SLC16A10: variants seen among roughly 807,000 people sequenced by gnomAD.
The protein encoded by SLC16A10 is solute carrier family 16 member 10, also known as monocarboxylate transporter 10.
SLC16A10 carries 27 observed loss-of-function variants against 40.0 expected under a neutral mutation model. The observed-to-expected ratio is 0.67, with a 90% confidence interval of 0.50 to 0.93. The LOEUF (loss-of-function observed/expected upper bound fraction) is 0.93. Ranked by LOEUF, SLC16A10 falls within the 40% of genes least tolerant of loss-of-function variation. SLC16A10 has a pLI of 0.00. For missense variants in SLC16A10, 529 were observed against 658.2 expected, an observed-to-expected ratio of 0.80 and a Z score of 2.15; for synonymous variants, 213 against 249.8, an observed-to-expected ratio of 0.85 and a Z score of 1.39.
At chr6:111,143,710 T>TG (rs564315020) in intron 1 of SLC16A10, among the ~76,000 whole-genome samples, 177 of 152,102 alleles carry the variant, frequency 1.2e-3, no homozygotes, top group African/African-American at 4.0e-3. Context: ...AATGAATAGG[T>TG]GGAGTACAGA....
In SLC16A10 at chr6:111,226,147, T is replaced by C. The variant is rs1390432592; in HGVS notation, c.*3912T>C. On this transcript the variant is annotated 3_prime_UTR_variant, in exon 6 of 6. Transcript: ENST00000368851. ...TCTTTTATGCTAACATTTAAAACTG[T>C]ATTTAAATTTTTAAGGTAAATGCTT... The C allele has an allele frequency of 6.6e-6, 1 of 152,234 alleles. No homozygotes were observed. Among genetic ancestry groups the C allele is most frequent in the Non-Finnish European group, 1.5e-5 (1 of 68,040 alleles). 9.4% of individuals were successfully genotyped at this position (152,234 alleles called of 1,614,324 possible). A position where few individuals can be genotyped will look rare whatever the true frequency, so the allele number is the denominator to read the frequency against.
At chr6:111,193,395 A>T (rs544252654) in intron 3 of SLC16A10, 101 of 825,892 alleles carry the variant, frequency 1.2e-4, no homozygotes, top group Non-Finnish European at 1.4e-4. Flanking sequence ...CCTACTTGAG[A>T]TGAATAAGGA....
At chr6:111,141,917 G>T (rs547697013) in intron 1 of SLC16A10, among the ~76,000 whole-genome samples, 2 of 152,090 alleles carry the variant, frequency 1.3e-5, no homozygotes, top group Non-Finnish European at 2.9e-5. Context: ...CAAAATCCCC[G>T]CTAGTTATTT....
At position 111,158,701 on chromosome 6, in the gene SLC16A10, T is replaced by C. The variant is rs551527716; in HGVS notation, c.344-13994T>C. On this transcript the variant is annotated intron_variant, in intron 1 of 5. Coordinates refer to ENST00000368851, the MANE Select transcript of SLC16A10 (RefSeq NM_018593.5). ...AGTATTTTTTTGTATTTACTCGATA[T>C]TTTAAACAAACAAAAATCTAGAGAA... 1.8e-4 allele frequency among the ~76,000 whole-genome samples: 28 copies of C among 152,272 alleles called. 2 individuals are homozygous for C. The South Asian group carries it at 3.7e-3, about 20-fold the overall frequency.
intron 1 of SLC16A10, among the ~76,000 whole-genome samples, chr6:111,154,181 A>G (rs1363339953): frequency 1.3e-5 from 2 of 152,234 alleles, no homozygotes; most frequent in African/African-American, 4.8e-5. Context: ...CTAGCTTCCC[A>G]CTATAGGCCA....
intron 1 of SLC16A10, among the ~76,000 whole-genome samples, chr6:111,163,582 T>G (rs552394197): frequency 6.6e-6 from 1 of 152,368 alleles, no homozygotes; most frequent in East Asian, 1.9e-4. Flanking sequence ...TATTTTTATT[T>G]TGGCAATCCC....
intron 1 of SLC16A10, among the ~76,000 whole-genome samples, chr6:111,117,945 A>C (rs1327650543): frequency 6.6e-6 from 1 of 152,194 alleles, no homozygotes; most frequent in Non-Finnish European, 1.5e-5. Flanking sequence ...AGCGAAGCCA[A>C]AATACTGACA....
At chr6:111,166,106 C>T (rs1772468593) in intron 1 of SLC16A10, among the ~76,000 whole-genome samples, 2 of 152,168 alleles carry the variant, frequency 1.3e-5, no homozygotes, top group South Asian at 4.1e-4. Flanking sequence ...ACACACAAAG[C>T]ATAGCAGATT....
At position 111,098,844 on chromosome 6, in the gene SLC16A10, C is replaced by T. The variant is rs912702674; in HGVS notation, c.343+10749C>T. On this transcript the variant is annotated intron_variant, in intron 1 of 5. Coordinates refer to ENST00000368851, the MANE Select transcript of SLC16A10 (RefSeq NM_018593.5). ...AGTTGTCATTGTTGTCCTGTAGTAA[C>T]GTAGCACTCAAACTTTGACAGGAGG... is the stretch of plus-strand genomic sequence containing the variant. Among the ~76,000 whole-genome samples, 7 of 152,270 alleles carry T rather than the reference C, an allele frequency of 4.6e-5. No individual in the cohort carries two copies. In the East Asian group the frequency reaches 5.8e-4, roughly 13 times the overall value.
intron 1 of SLC16A10, among the ~76,000 whole-genome samples, chr6:111,114,970 C>T (rs148513378): frequency 1.3e-5 from 2 of 151,186 alleles, no homozygotes; most frequent in African/African-American, 2.4e-5. Flanking sequence ...CTTAAAGCTA[C>T]ATTATTTAAA....
intron 1 of SLC16A10, among the ~76,000 whole-genome samples, chr6:111,129,887 C>A (rs1448202306): frequency 6.6e-6 from 1 of 152,140 alleles, no homozygotes; most frequent in East Asian, 1.9e-4. Context: ...AAGTAAAATT[C>A]AAAGTGATTT....
At chr6:111,102,029 G>GT (rs1771197863) in intron 1 of SLC16A10, among the ~76,000 whole-genome samples, 1 of 152,224 alleles carries the variant, frequency 6.6e-6, no homozygotes, top group South Asian at 2.1e-4. Context: ...AATTGTTTCA[G>GT]TAAGTGTGAT....
At chr6:111,117,021 T>C (rs1378039807) in intron 1 of SLC16A10, among the ~76,000 whole-genome samples, 1 of 152,056 alleles carries the variant, frequency 6.6e-6, no homozygotes, top group African/African-American at 2.4e-5. Context: ...CACAATTACA[T>C]GGAAGTTGGG....
rs951188951 is a variant in SLC16A10 at position 111,225,507 on chromosome 6, G to A, written c.*3272G>A. 4 of 143,048 alleles carry A rather than the reference G, an allele frequency of 2.8e-5. No individual in the cohort carries two copies. The highest frequency in any genetic ancestry group is 7.9e-5 in the African/African-American group (3 of 37,774). The allele number at this position is 143,048 out of a possible 1,614,324, so 8.9% of individuals were successfully genotyped here. A position where few individuals can be genotyped will look rare whatever the true frequency, so the allele number is the denominator to read the frequency against. ...AGAGGTTGCAGTGAGGCGAGATTGC[G>A]CCACTGCACTCCAGCCTGGGCGACA... On this transcript the variant is annotated 3_prime_UTR_variant, in exon 6 of 6. Transcript: ENST00000368851.
At chr6:111,132,771 C>T (rs1033331129) in intron 1 of SLC16A10, among the ~76,000 whole-genome samples, 1 of 152,168 alleles carries the variant, frequency 6.6e-6, no homozygotes, top group Non-Finnish European at 1.5e-5. Flanking sequence ...GGAGGAACTC[C>T]CTTCAGGACA....
intron 1 of SLC16A10, among the ~76,000 whole-genome samples, chr6:111,167,623 TA>T (rs1010451414): frequency 3.5e-4 from 52 of 150,414 alleles, no homozygotes; most frequent in African/African-American, 1.2e-3. Flanking sequence ...GCTCGATTGT[TA>T]TTTATTTATT....
chr6:111,219,148 A>C (rs1234384297), intron 5 of SLC16A10, 106 bp downstream of exon 5: 21 of 1,041,062 alleles, frequency 2.0e-5, no homozygotes, highest in Non-Finnish European at 2.8e-5. Context: ...GTTATTGATT[A>C]CTGGTCTTTT....
At position 111,172,932 on chromosome 6, in the gene SLC16A10, C is replaced by G. The variant is rs1469483378; in HGVS notation, c.488+93C>G. 4.8e-6 allele frequency: 7 copies of G among 1,456,854 alleles called. No individual in the cohort carries two copies. The South Asian group carries it at 8.0e-5, about 17-fold the overall frequency. The allele number at this position is 1,456,854 out of a possible 1,614,324, so 90.2% of individuals were successfully genotyped here. ...AACTATGCTATTTACAAGCAAAGATCCTCCTTTTCATTTTTTAAAACTTTA... is the reference window on the plus strand; with the variant it reads ...AACTATGCTATTTACAAGCAAAGATGCTCCTTTTCATTTTTTAAAACTTTA... On this transcript the variant is annotated intron_variant, in intron 2 of 5. Coordinates refer to ENST00000368851, the MANE Select transcript of SLC16A10 (RefSeq NM_018593.5).
intron 1 of SLC16A10, among the ~76,000 whole-genome samples, chr6:111,100,970 CTCTCTCTCTCTCTCTCTCTCTCTATA>C (rs1360596210): frequency 1.6e-4 from 19 of 119,950 alleles, no homozygotes; most frequent in Non-Finnish European, 2.5e-4. Context: ...CTCTCTCTCT[CTCTCTCTCTCTCTCTCTCTCTCTATA>C]TATATATATA....
Sources: gnomAD v4.1 joint callset for allele counts (sites outside exome capture counted in the v4.1 genomes callset) on GRCh38, gnomAD v4.1.1 for gene constraint, MANE v1.5 for transcripts, NCBI Gene and HGNC (gene_info 2026-07-23, HGNC 2026-07-21) for gene names.